CARMIL2: variants seen among roughly 807,000 people sequenced by gnomAD.
CARMIL2 encodes capping protein, Arp2/3 and myosin-I linker protein 2.
In CARMIL2, 96 loss-of-function variants were observed where a neutral mutation model predicts 173.3. The ratio of observed to expected loss-of-function variants is 0.55; its 90% CI spans 0.47 to 0.66. CARMIL2 has a LOEUF of 0.66. CARMIL2 is among the 30% of genes least tolerant of loss of function. CARMIL2 has a pLI of 0.00. For missense variants in CARMIL2, 1,771 were observed against 1,906.7 expected, an observed-to-expected ratio of 0.93 and a Z score of 1.33; for synonymous variants, 830 against 817.1, an observed-to-expected ratio of 1.02 and a Z score of -0.27.
chr16:67,651,170 T>C lies in CARMIL2; in HGVS notation c.2185-17T>C. The C allele has an allele frequency of 6.2e-7, 1 of 1,610,626 alleles. No homozygotes were observed. The highest frequency in any genetic ancestry group is 8.5e-7 in the Non-Finnish European group (1 of 1,178,592). ...TGGGAGGGGGCTAGGCTGAGACTGA[T>C]CCCCATTTCGCCCCAGGAAGTGAAT... is the stretch of plus-strand genomic sequence containing the variant. On this transcript the variant is annotated splice_polypyrimidine_tract_variant and intron_variant, in intron 22 of 37. Transcript: ENST00000334583. The surrounding 1 kb of genome is among the most constrained non-coding windows in gnomAD (Gnocchi z 4.2).
At position 67,654,141 on chromosome 16, in the gene CARMIL2, C is replaced by G; in HGVS notation, c.3121-8C>G. On this transcript the variant is annotated splice_region_variant and splice_polypyrimidine_tract_variant and intron_variant, in intron 29 of 37. Transcript: ENST00000334583. ...AACCCTGACCCCTGACCCCATGATGCCCCCCAGGTACCCCCAGCCTTGCCG... is the reference window on the plus strand; with the variant it reads ...AACCCTGACCCCTGACCCCATGATGGCCCCCAGGTACCCCCAGCCTTGCCG... 2 of 1,533,096 alleles carry G rather than the reference C, an allele frequency of 1.3e-6. No homozygotes were observed. Among genetic ancestry groups the G allele is most frequent in the Non-Finnish European group, 1.8e-6 (2 of 1,136,452 alleles). The allele number at this position is 1,533,096 out of a possible 1,614,324, so 95.0% of individuals were successfully genotyped here.
chr16:67,647,331 G>C lies in CARMIL2; in HGVS notation c.720G>C (p.Met240Ile), dbSNP rs201801777. The C allele has an allele frequency of 1.9e-6, 3 of 1,593,336 alleles. No individual in the cohort carries two copies. Among genetic ancestry groups the C allele is most frequent in the African/African-American group, 1.3e-5 (1 of 74,640 alleles). Residue 240 changes from methionine to isoleucine, a missense_variant, in exon 10 of 38, where the codon ATG (methionine) becomes ATC (isoleucine). This residue lies in a region of CARMIL2 where 944 missense variants were observed against 975.6 expected (regional missense o/e 0.97). Transcript: ENST00000334583. ...AGGTCTCAGAACAGATTCTGCACAT[G>C]ATGAGTCAGTCATCACACCTGGAGG... The part of the protein sequence containing the change: ...SLEVSEQILH[M>I]MSQSSHLEEL...
rs202220889 is a variant in CARMIL2, at chr16:67,648,288, C to T, written c.1308C>T (p.Asp436=). ...RGCCTSLTHL[D]ASRNVFSRTK... ...GCTGCACCAGCCTTACCCACCTCGA[C>T]GCTTCGAGGAACGTCTTCTCCCGCA... The change falls in exon 14 of 38, where the codon GAC becomes GAT. Residue 436 remains aspartate, a synonymous_variant. Transcript: ENST00000334583. The surrounding 1 kb of genome is among the most constrained non-coding windows in gnomAD (Gnocchi z 6.1). 6.3e-7 allele frequency: 1 copy of T among 1,594,244 alleles called. No homozygotes were observed.
Position 67,647,578 on chromosome 16 carries a change from G to C in CARMIL2, c.847G>C (p.Ala283Pro), listed in dbSNP as rs749277056. ...SSSGLRELSL[A>P]GNLLDDRGMT... is the part of the protein sequence containing the mutation. The stretch of plus-strand genomic sequence containing the variant: ...CTCTGGGCTGCGGGAGCTCAGCCTC[G>C]CGGGGAACCTGCTGGATGACCGAGG... The change falls in exon 11 of 38, where the codon GCG becomes CCG. Residue 283 changes from alanine (A) to proline (P), a missense_variant. Ala to Pro is a conservative substitution (Grantham distance 27). Transcript: ENST00000334583. 7.4e-6 allele frequency: 12 copies of C among 1,611,048 alleles called. No homozygotes were observed. Among genetic ancestry groups the C allele is most frequent in the Non-Finnish European group, 1.0e-5 (12 of 1,178,856 alleles).
chr16:67,653,154 TG>T lies in CARMIL2; in HGVS notation c.3022del (p.Asp1008ThrfsTer61). ...PGPPAGPLPR[M>X]DLPLAGQPLR... ...CCCCCGGCCGGCCCGCTGCCCCGCATGGACCTGCCACTGGCGGGGCAGCCCC... is the reference window on the plus strand; with the variant it reads ...CCCCCGGCCGGCCCGCTGCCCCGCATGACCTGCCACTGGCGGGGCAGCCCC... On this transcript the variant is annotated frameshift_variant, in exon 29 of 38. Transcript: ENST00000334583. LOFTEE classifies it high-confidence loss of function. This position sits in a 1 kb window ranked among gnomAD's most constrained non-coding sequence, Gnocchi z 7.4. 9.0e-7 allele frequency: 1 copy of T among 1,108,826 alleles called. No individual in the cohort carries two copies. Among genetic ancestry groups the T allele is most frequent in the South Asian group, 3.8e-5 (1 of 26,226 alleles). The allele number at this position is 1,108,826 out of a possible 1,614,324, so 68.7% of individuals were successfully genotyped here.
Position 67,652,609 on chromosome 16 carries a change from G to T in CARMIL2, c.2884+71G>T. The T allele has an allele frequency of 6.9e-7, 1 of 1,442,016 alleles. No homozygotes were observed. Among genetic ancestry groups the T allele is most frequent in the Non-Finnish European group, 9.6e-7 (1 of 1,038,276 alleles). 89.3% of individuals were successfully genotyped at this position (1,442,016 alleles called of 1,614,324 possible). A position where few individuals can be genotyped will look rare whatever the true frequency, so the allele number is the denominator to read the frequency against. On this transcript the variant is annotated intron_variant, in intron 28 of 37. Coordinates refer to ENST00000334583, the MANE Select transcript of CARMIL2 (RefSeq NM_001013838.3). This position sits in a 1 kb window ranked among gnomAD's most constrained non-coding sequence, Gnocchi z 4.7. ...GCTCCATTAGACTTGGGGACCCGGG[G>T]ACCTGGATGAACTCATTCAGCCTTG...
rs1257390936 is a variant in CARMIL2, at chr16:67,647,393, G to C, written c.776+6G>C. ...GAGACCTGCAGCCTGAGGGGGTGAG[G>C]GGGACAGGGCAGGGCTTGGAGAGGA... On this transcript the variant is annotated splice_donor_region_variant and intron_variant, in intron 10 of 37. Transcript: ENST00000334583. The C allele has an allele frequency of 4.4e-6, 7 of 1,573,034 alleles. No homozygotes were observed. Among genetic ancestry groups the C allele is most frequent in the African/African-American group, 1.4e-5 (1 of 74,046 alleles).
At position 67,645,963 on chromosome 16, in the gene CARMIL2, C is replaced by T. The variant is rs2052585345; in HGVS notation, c.187-55C>T. On this transcript the variant is annotated intron_variant, in intron 3 of 37. Coordinates refer to ENST00000334583, the MANE Select transcript of CARMIL2 (RefSeq NM_001013838.3). ...GCCCCAGGCTGCCCAAAGGACTGGA[C>T]TTCCATGAGGGCGGGGCTGGGGGCT... 3 of 1,608,686 alleles carry T rather than the reference C, an allele frequency of 1.9e-6. No homozygotes were observed. The Admixed American group carries it at 5.0e-5, about 27-fold the overall frequency.
At position 67,646,243 on chromosome 16, in the gene CARMIL2, G is replaced by T. The variant is rs775280355; in HGVS notation, c.307G>T (p.Ala103Ser). 1 of 1,613,748 alleles carries T rather than the reference G, an allele frequency of 6.2e-7. No individual in the cohort carries two copies. Among genetic ancestry groups the T allele is most frequent in the Non-Finnish European group, 8.5e-7 (1 of 1,179,854 alleles). ...GGTCCTGGAGTTTCCTGGTGTGGCC[G>T]CCCTGGAACAGCTGGCCCAGCACGT... ...ELVLEFPGVA[A>S]LEQLAQHVAA... Residue 103 changes from alanine to serine, a missense_variant, in exon 5 of 38, where the codon GCC (alanine) becomes TCC (serine). Physicochemically the swap from Ala to Ser is moderately conservative, Grantham distance 99. Around this residue, in one of 3 missense-constraint regions of CARMIL2, gnomAD observed 944 missense variants for 975.6 expected, o/e 0.97. Transcript: ENST00000334583. The surrounding 1 kb of genome is among the most constrained non-coding windows in gnomAD (Gnocchi z 4.6).
chr16:67,649,561 A>T lies in CARMIL2; in HGVS notation c.1861A>T (p.Met621Leu). ...LTALDISGNA[M>L]GDAGAKLLAK... ...CGCGCTGGATATCAGCGGCAACGCC[A>T]TGGGGGACGCGGGCGCCAAGTTGCT... The change falls in exon 20 of 38, where the codon ATG (methionine) becomes TTG (leucine). Residue 621 changes from methionine to leucine, a missense_variant. Physicochemically the swap from Met to Leu is conservative, Grantham distance 15. Transcript: ENST00000334583. This position sits in a 1 kb window ranked among gnomAD's most constrained non-coding sequence, Gnocchi z 6.7. The T allele has an allele frequency of 6.3e-7, 1 of 1,597,910 alleles. No individual in the cohort carries two copies. The highest frequency in any genetic ancestry group is 1.1e-5 in the South Asian group (1 of 90,980).
intron 2 of CARMIL2, 27 bp from the exon 3 acceptor site, chr16:67,645,697 C>T (rs1441415827): frequency 1.9e-6 from 3 of 1,613,402 alleles, no homozygotes; most frequent in Non-Finnish European, 2.5e-6. Flanking sequence ...CTTGCTCTGC[C>T]CAGGATATCA....
Position 67,648,002 on chromosome 16 carries a change from G to T in CARMIL2, c.1071+44G>T, listed in dbSNP as rs117143728. The T allele has an allele frequency of 8.0e-3, 12,895 of 1,606,896 alleles. 1,197 individuals carry two copies. The East Asian group carries it at 0.22, about 28-fold the overall frequency. On this transcript the variant is annotated intron_variant, in intron 13 of 37. Transcript: ENST00000334583. The surrounding 1 kb of genome is among the most constrained non-coding windows in gnomAD (Gnocchi z 6.1). ...GGTGGGAGCTTGGGGTTGCTCATAA[G>T]CCCTGGGTAGGCGATCCCCCACTCC...
chr16:67,648,423 C>T lies in CARMIL2; in HGVS notation c.1360C>T (p.Leu454=). Residue 454 remains leucine, a synonymous_variant, in exon 15 of 38, where the codon CTG becomes TTG. Transcript: ENST00000334583. This position sits in a 1 kb window ranked among gnomAD's most constrained non-coding sequence, Gnocchi z 6.1. ...GAAGTCCCGCGCCGCGCCGGCCGCG[C>T]TGCAGCTCTTCCTCAGCCGCGCGCG... ...RTKSRAAPAA[L]QLFLSRARTL... is the part of the protein sequence containing the mutation. 6.6e-7 allele frequency: 1 copy of T among 1,517,492 alleles called. No individual in the cohort carries two copies. The highest frequency in any genetic ancestry group is 8.8e-7 in the Non-Finnish European group (1 of 1,139,414). The allele number at this position is 1,517,492 out of a possible 1,614,324, so 94.0% of individuals were successfully genotyped here. A position where few individuals can be genotyped will look rare whatever the true frequency, so the allele number is the denominator to read the frequency against.
chr16:67,655,955 TA>T, intron 32 of CARMIL2, 75 bp from the exon 33 acceptor site: 1 of 1,526,230 alleles, frequency 6.6e-7, no homozygotes, highest in East Asian at 2.5e-5. Context: ...GGCAGGATTA[TA>T]AGAACAAGAA....
chr16:67,654,177 A>C lies in CARMIL2; in HGVS notation c.3149A>C (p.Asn1050Thr), dbSNP rs1424963627. Residue 1050 changes from asparagine to threonine, a missense_variant, in exon 30 of 38, where the codon AAT (asparagine) becomes ACT (threonine). Physicochemically the swap from Asn to Thr is moderately conservative, Grantham distance 65. Around this residue, in one of 3 missense-constraint regions of CARMIL2, gnomAD observed 817 missense variants for 903.5 expected, o/e 0.90. Transcript: ENST00000334583. ...QVPPALPQEG[N>T]GLSARVDEGV... ...CCCCCAGCCTTGCCGCAGGAAGGGA[A>C]TGGGCTCAGTGCCCGCGTGGACGAG... The C allele has an allele frequency of 1.3e-6, 2 of 1,552,724 alleles. No individual in the cohort carries two copies. The highest frequency in any genetic ancestry group is 1.4e-5 in the African/African-American group (1 of 72,364).
rs367864206 is a variant in CARMIL2, at chr16:67,654,553, T to A, written c.3443T>A (p.Leu1148His). 9 of 1,611,860 alleles carry A rather than the reference T, an allele frequency of 5.6e-6. No individual in the cohort carries two copies. The African/African-American group carries it at 1.2e-4, about 22-fold the overall frequency. ...PPTRPSRGEE[L>H]GGAEGDTSSP... The stretch of plus-strand genomic sequence containing the variant: ...ACCCGTCCCAGCCGTGGTGAGGAGC[T>A]TGGTGGGGCTGAGGGGGACACCAGC... The change falls in exon 31 of 38, where the codon CTT becomes CAT. Residue 1148 changes from leucine (L) to histidine (H), a missense_variant. Coordinates refer to ENST00000334583, the MANE Select transcript of CARMIL2 (RefSeq NM_001013838.3).
rs1338432165 is a variant in CARMIL2 at position 67,657,213 on chromosome 16, A to C, written c.4118-26A>C. On this transcript the variant is annotated intron_variant, in intron 36 of 37. Coordinates refer to ENST00000334583, the MANE Select transcript of CARMIL2 (RefSeq NM_001013838.3). This position sits in a 1 kb window ranked among gnomAD's most constrained non-coding sequence, Gnocchi z 4.5. ...GACAGACCCCAAGCCTTAGCAACCC[A>C]CCCCAAGCCTTTCTGTGTCCCTTAG... is the stretch of plus-strand genomic sequence containing the variant. The C allele has an allele frequency of 6.2e-7, 1 of 1,608,534 alleles. No individual in the cohort carries two copies. Among genetic ancestry groups the C allele is most frequent in the Non-Finnish European group, 8.5e-7 (1 of 1,176,620 alleles).
rs2052682757 is a variant in CARMIL2 at position 67,649,751 on chromosome 16, G to C, written c.1920-55G>C. Reference sequence around the variant, plus strand: ...GACGAGGCGAATGGACTAGGCCGAGGGTTGGGTGGGGCGTTGGGAAGCTCC... The same window carrying C: ...GACGAGGCGAATGGACTAGGCCGAGCGTTGGGTGGGGCGTTGGGAAGCTCC... On this transcript the variant is annotated intron_variant, in intron 20 of 37. Coordinates refer to ENST00000334583, the MANE Select transcript of CARMIL2 (RefSeq NM_001013838.3). The surrounding 1 kb of genome is among the most constrained non-coding windows in gnomAD (Gnocchi z 6.7). 2 of 1,588,246 alleles carry C rather than the reference G, an allele frequency of 1.3e-6. No homozygotes were observed. Among genetic ancestry groups the C allele is most frequent in the Admixed American group, 1.7e-5 (1 of 58,994 alleles).
At position 67,657,387 on chromosome 16, in the gene CARMIL2, T is replaced by C. The variant is rs1190110778; in HGVS notation, c.4196-19T>C. On this transcript the variant is annotated intron_variant, in intron 37 of 37. Transcript: ENST00000334583. The surrounding 1 kb of genome is among the most constrained non-coding windows in gnomAD (Gnocchi z 4.5). ...GCCCAGCCCTGACCCTTCCTCTCTC[T>C]CCCTCCCTCCCCTCACAGGATCTGG... 1.2e-6 allele frequency: 2 copies of C among 1,601,402 alleles called. No homozygotes were observed. The highest frequency in any genetic ancestry group is 2.3e-5 in the East Asian group (1 of 44,200).
Sources: gnomAD v4.1 joint callset for allele counts on GRCh38, gnomAD v4.1.1 for gene constraint, gnomAD v4.1.1 regional missense constraint, Gnocchi (gnomAD v3.1) non-coding constraint, MANE v1.5 for transcripts, NCBI Gene and HGNC (gene_info 2026-07-23, HGNC 2026-07-21) for gene names.